The following CLDN10 variants were observed in gnomAD, a reference collection of about 807,000 sequenced individuals.
CLDN10 encodes the protein claudin-10.
In CLDN10, 15 loss-of-function variants were observed where a neutral mutation model predicts 22.9. The observed-to-expected ratio is 0.65, with a 90% CI of 0.44 to 1.01. The LOEUF is 1.01. Ranked by LOEUF, CLDN10 falls within the 50% of genes least tolerant of loss-of-function variation. The pLI, the probability that CLDN10 is intolerant of heterozygous loss-of-function variation, is 0.00. For missense variants in CLDN10, 247 were observed against 287.8 expected, an observed-to-expected ratio of 0.86 and a Z score of 1.03; for synonymous variants, 114 against 111.4, an observed-to-expected ratio of 1.02 and a Z score of -0.15.
At chr13:95,560,062 C>T (rs182192209) in intron 1 of CLDN10, 70 bp from the exon 2 acceptor site, 113 of 1,392,156 alleles carry the variant, frequency 8.1e-5, no homozygotes, top group Middle Eastern at 1.9e-4. Flanking sequence ...AGAATGACAA[C>T]GTAAAATGAG....
At chr13:95,485,161 G>A (rs1176549048) in intron 1 of CLDN10, among the ~76,000 whole-genome samples, 1 of 152,038 alleles carries the variant, frequency 6.6e-6, no homozygotes, top group Non-Finnish European at 1.5e-5. Flanking sequence ...GAAGCTGTGG[G>A]AGGCAGGCTT....
At chr13:95,500,155 C>T (rs1050269975) in intron 1 of CLDN10, among the ~76,000 whole-genome samples, 4 of 151,910 alleles carry the variant, frequency 2.6e-5, no homozygotes, top group Non-Finnish European at 4.4e-5. Context: ...AATATATCCT[C>T]GAATAAAGCC....
intron 1 of CLDN10, among the ~76,000 whole-genome samples, chr13:95,503,770 AT>A (rs1459936358): frequency 6.6e-6 from 1 of 152,216 alleles, no homozygotes; most frequent in Admixed American, 6.5e-5. Context: ...AATTCTACTT[AT>A]ATAAGGCACT....
rs1338743328 is a variant in CLDN10 at position 95,578,835 on chromosome 13, A to T, written c.*821A>T. ...TGGTTTCTTACATGTGCCTGTCATG[A>T]CTGTAATTCATTATGACTGCTCCAG... is the stretch of plus-strand genomic sequence containing the variant. On this transcript the variant is annotated 3_prime_UTR_variant, in exon 5 of 5. Coordinates refer to ENST00000299339, the MANE Select transcript of CLDN10 (RefSeq NM_006984.5). The T allele has an allele frequency of 6.6e-6, 1 of 152,172 alleles. No individual in the cohort carries two copies. Among genetic ancestry groups the T allele is most frequent in the Non-Finnish European group, 1.5e-5 (1 of 68,028 alleles). The allele number at this position is 152,172 out of a possible 1,614,324, so 9.4% of individuals were successfully genotyped here.
intron 1 of CLDN10, among the ~76,000 whole-genome samples, chr13:95,438,793 A>C (rs1566644913): frequency 6.6e-6 from 1 of 152,092 alleles, no homozygotes; most frequent in Non-Finnish European, 1.5e-5. Flanking sequence ...AGCCTGACCA[A>C]CTTGGCGAAA....
intron 3 of CLDN10, among the ~76,000 whole-genome samples, chr13:95,569,838 G>A (rs934064345): frequency 6.6e-6 from 1 of 150,698 alleles, no homozygotes; most frequent in South Asian, 2.1e-4. Context: ...GTGAGATCTC[G>A]GCTCACTGCA....
chr13:95,489,436 G>A (rs1211332537), intron 1 of CLDN10, among the ~76,000 whole-genome samples: 1 of 151,888 alleles, frequency 6.6e-6, no homozygotes, highest in Non-Finnish European at 1.5e-5. Flanking sequence ...AAGTGAGGTG[G>A]TATCGCATTG....
chr13:95,510,617 T>C (rs1410150667), intron 1 of CLDN10, among the ~76,000 whole-genome samples: 1 of 152,162 alleles, frequency 6.6e-6, no homozygotes, highest in African/African-American at 2.4e-5. Context: ...ATCTTTTCTA[T>C]ACCTTCATGT....
chr13:95,558,633 A>C (rs1425615240), intron 1 of CLDN10, among the ~76,000 whole-genome samples: 4 of 152,246 alleles, frequency 2.6e-5, no homozygotes, highest in African/African-American at 9.6e-5. Flanking sequence ...TTCCAAAGAA[A>C]CACAGACTGG....
chr13:95,511,105 TC>T (rs1369627443), intron 1 of CLDN10, among the ~76,000 whole-genome samples: 11 of 152,174 alleles, frequency 7.2e-5, no homozygotes, highest in Admixed American at 1.3e-4. Flanking sequence ...TTTTTAAAGC[TC>T]AAGAATTCTT....
intron 1 of CLDN10, among the ~76,000 whole-genome samples, chr13:95,541,517 T>C (rs2043460499): frequency 6.6e-6 from 1 of 152,216 alleles, no homozygotes; most frequent in Non-Finnish European, 1.5e-5. Flanking sequence ...CTGTTTCCCC[T>C]GTTCCTTCTT....
chr13:95,532,671 AC>A (rs1376095714), intron 1 of CLDN10, among the ~76,000 whole-genome samples: 1 of 151,904 alleles, frequency 6.6e-6, no homozygotes, highest in African/African-American at 2.4e-5. Context: ...TCACAAAAAA[AC>A]TTGTACAAGA....
intron 1 of CLDN10, among the ~76,000 whole-genome samples, chr13:95,521,635 G>C (rs1266476506): frequency 6.6e-6 from 1 of 152,048 alleles, no homozygotes; most frequent in Non-Finnish European, 1.5e-5. Context: ...ATTACACACT[G>C]TAATTTTCCT....
intron 3 of CLDN10, among the ~76,000 whole-genome samples, chr13:95,564,978 T>C (rs1339881143): frequency 6.6e-6 from 1 of 152,224 alleles, no homozygotes; most frequent in Non-Finnish European, 1.5e-5. Flanking sequence ...ATTTTTCCCT[T>C]TTGTTTTGCT....
chr13:95,474,308 C>T (rs906181826), intron 1 of CLDN10, among the ~76,000 whole-genome samples: 16 of 152,110 alleles, frequency 1.1e-4, no homozygotes, highest in Non-Finnish European at 2.4e-4. Context: ...GAATCTAATG[C>T]CCAGCTGATC....
At chr13:95,518,074 A>G (rs1473225817) in intron 1 of CLDN10, among the ~76,000 whole-genome samples, 1 of 152,160 alleles carries the variant, frequency 6.6e-6, no homozygotes, top group Admixed American at 6.5e-5. Flanking sequence ...TATAGTGATT[A>G]AGAAGTCTGG....
intron 3 of CLDN10, among the ~76,000 whole-genome samples, chr13:95,570,868 A>G (rs1004001721): frequency 8.2e-5 from 12 of 145,904 alleles, no homozygotes; most frequent in Non-Finnish European, 1.5e-4. Flanking sequence ...GTATATATAT[A>G]TATATATATA....
In CLDN10 at chr13:95,480,513, G is replaced by T. The variant is rs558767132; in HGVS notation, c.214+46466G>T. The stretch of plus-strand genomic sequence containing the variant: ...GGCAGCCATTGTGGTCCCCTGAGCT[G>T]GCTGGTTCCTTTTCTTCTCCCCTGA... On this transcript the variant is annotated intron_variant, in intron 1 of 4. Coordinates refer to the CLDN10 transcript ENST00000376873. Among the ~76,000 whole-genome samples, 14 of 152,312 alleles carry T rather than the reference G, an allele frequency of 9.2e-5. No homozygotes were observed. In the South Asian group the frequency reaches 2.9e-3, roughly 32 times the overall value.
chr13:95,532,792 C>CAAAAAAAAAAAAAAAAAAA (rs57500288), intron 1 of CLDN10, among the ~76,000 whole-genome samples: 4 of 62,020 alleles, frequency 6.4e-5, no homozygotes, highest in Middle Eastern at 0.02. Context: ...CTCAATTCAG[C>CAAAAAAAAAAAAAAAAAAA]AAAAAAAAAA....
Sources: allele counts gnomAD v4.1 joint callset (sites outside exome capture counted in the v4.1 genomes callset), GRCh38; gene constraint gnomAD v4.1.1; transcripts MANE v1.5; gene names NCBI Gene and HGNC (gene_info 2026-07-23, HGNC 2026-07-21).